Variants in SNX13 observed in about 807,000 individuals in gnomAD.
The protein encoded by SNX13 is sorting nexin 13.
Under a neutral mutation model 133.6 loss-of-function variants are expected in SNX13, and 45 were observed. That is an observed-to-expected ratio of 0.34 (90% confidence interval 0.27 to 0.43). SNX13 has a LOEUF of 0.43. SNX13 is among the 20% of genes least tolerant of loss of function. SNX13 has a pLI of 1.00. For synonymous variants in SNX13, 414 were observed against 373.9 expected (o/e 1.11, Z -1.24); for missense variants, 1,032 against 1,145.1 (o/e 0.90, Z 1.43).
intron 5 of SNX13, chr7:17,882,737 C>G (rs951126269): frequency 9.4e-7 from 1 of 1,065,900 alleles, no homozygotes; most frequent in African/African-American, 1.7e-5. Context: ...ACAACCTGAC[C>G]AGAGAATCTT....
At chr7:17,867,224 G>C (rs1368992254) in intron 9 of SNX13, among the ~76,000 whole-genome samples, 1 of 152,124 alleles carries the variant, frequency 6.6e-6, no homozygotes, top group Non-Finnish European at 1.5e-5. Flanking sequence ...TGGTCTCCAG[G>C]AAAGGCTCCA....
chr7:17,897,552 T>C (rs761977486), intron 1 of SNX13, 106 bp from the exon 2 acceptor site: 27 of 562,516 alleles, frequency 4.8e-5, no homozygotes, highest in Non-Finnish European at 7.4e-5. Flanking sequence ...CTTGTAAACA[T>C]TCATGGTATT....
intron 14 of SNX13, among the ~76,000 whole-genome samples, 196 bp downstream of exon 14, chr7:17,834,565 T>G (rs1244178339): frequency 1.3e-5 from 2 of 151,830 alleles, no homozygotes; most frequent in Non-Finnish European, 2.9e-5. Flanking sequence ...ACAACCCAAC[T>G]TAAGGATTTT....
chr7:17,797,554 G>A (rs895100673), intron 24 of SNX13, among the ~76,000 whole-genome samples: 6 of 151,800 alleles, frequency 4.0e-5, no homozygotes, highest in African/African-American at 7.3e-5. Context: ...TGGTGTAAGG[G>A]CAAGACTCCC....
intron 8 of SNX13, among the ~76,000 whole-genome samples, chr7:17,872,247 A>G (rs1253267208): frequency 1.3e-5 from 2 of 152,370 alleles, no homozygotes. Context: ...GAGTATAAAC[A>G]TGACTAAAAA....
At chr7:17,801,009 C>CTTTTATATATATAT (rs1289471310) in intron 22 of SNX13, among the ~76,000 whole-genome samples, 1 of 120,170 alleles carries the variant, frequency 8.3e-6, no homozygotes, top group Admixed American at 9.1e-5. Flanking sequence ...TAAAACTGAA[C>CTTTTATATATATAT]ATATATATAT....
rs772463182 is a variant in SNX13 at position 17,794,107 on chromosome 7, G to C, written c.2812C>G (p.Gln938Glu). Residue 938 changes from glutamine (Q) to glutamate (E), a missense_variant, in exon 26 of 26, where the codon CAG (glutamine) becomes GAG (glutamate). Transcript: ENST00000428135. ...AGTTTCTGTTTATATTTCTGCATCT[G>C]CTTTGACCGTGAATGCAGTTTGTTG... ...LFNKLHSRSK[Q>E]MQKYKQKLQT... The C allele has an allele frequency of 5.0e-6, 8 of 1,611,666 alleles. No homozygotes were observed. Among genetic ancestry groups the C allele is most frequent in the Non-Finnish European group, 6.8e-6 (8 of 1,178,378 alleles).
At chr7:17,810,629 G>C (rs1785895292) in intron 20 of SNX13, among the ~76,000 whole-genome samples, 1 of 152,122 alleles carries the variant, frequency 6.6e-6, no homozygotes, top group South Asian at 2.1e-4. Flanking sequence ...GAAAAAGAGG[G>C]AGTCCTTCCT....
At chr7:17,801,009 C>T (rs1784549694) in intron 22 of SNX13, among the ~76,000 whole-genome samples, 25 of 120,196 alleles carry the variant, frequency 2.1e-4, no homozygotes, top group East Asian at 6.7e-4. Flanking sequence ...TAAAACTGAA[C>T]ATATATATAT....
intron 18 of SNX13, among the ~76,000 whole-genome samples, chr7:17,817,641 G>A (rs572263835): frequency 3.9e-5 from 6 of 152,192 alleles, no homozygotes; most frequent in African/African-American, 1.4e-4. Flanking sequence ...AACCAATAAA[G>A]GGTAGAGGTA....
chr7:17,933,785 T>C (rs372164841), intron 1 of SNX13, among the ~76,000 whole-genome samples: 1 of 125,758 alleles, frequency 8.0e-6, no homozygotes, highest in Non-Finnish European at 1.8e-5. Context: ...CATTCATTAG[T>C]ACAAGGAATA....
At position 17,798,901 on chromosome 7, in the gene SNX13, G is replaced by C. The variant is rs944487763; in HGVS notation, c.2444+108C>G. On this transcript the variant is annotated intron_variant, in intron 23 of 25. Coordinates refer to ENST00000428135, the MANE Select transcript of SNX13 (RefSeq NM_015132.5). ...GACTGCTTTAATGATGTCCTTAAAA[G>C]GCCCAGAGAAAAAAATTCTCCTACA... 6 of 1,337,926 alleles carry C rather than the reference G, an allele frequency of 4.5e-6. No individual in the cohort carries two copies. In the African/African-American group the frequency reaches 7.5e-5, roughly 17 times the overall value. The allele number at this position is 1,337,926 out of a possible 1,614,324, so 82.9% of individuals were successfully genotyped here.
At position 17,791,242 on chromosome 7, in the gene SNX13, A is replaced by G. The variant is rs894859542; in HGVS notation, c.*2803T>C. The G allele has an allele frequency of 1.3e-5, 2 of 152,158 alleles. No individual in the cohort carries two copies. Among genetic ancestry groups the G allele is most frequent in the East Asian group, 1.9e-4 (1 of 5,196 alleles). 9.4% of individuals were successfully genotyped at this position (152,158 alleles called of 1,614,324 possible). A position where few individuals can be genotyped will look rare whatever the true frequency, so the allele number is the denominator to read the frequency against. On this transcript the variant is annotated 3_prime_UTR_variant, in exon 26 of 26. Transcript: ENST00000428135. ...ATATTGCACAAAATTAAAATTTTAG[A>G]TTGTGAAATTTATATCATTCTTAAT...
chr7:17,928,901 G>C (rs1195042110), intron 1 of SNX13, among the ~76,000 whole-genome samples: 1 of 152,100 alleles, frequency 6.6e-6, no homozygotes, highest in Non-Finnish European at 1.5e-5. Context: ...GGGTATATGA[G>C]AAAATTATAC....
At chr7:17,884,156 G>A (rs1795699030) in intron 5 of SNX13, among the ~76,000 whole-genome samples, 1 of 152,110 alleles carries the variant, frequency 6.6e-6, no homozygotes, top group African/African-American at 2.4e-5. Context: ...ACTATACAAA[G>A]TAGCATATGC....
chr7:17,812,521 A>G (rs2128295950), intron 20 of SNX13, among the ~76,000 whole-genome samples: 1 of 152,334 alleles, frequency 6.6e-6, no homozygotes, highest in South Asian at 2.1e-4. Context: ...ATGTGGAGAT[A>G]CAGGAATGCT....
At chr7:17,888,886 T>C (rs73081395) in intron 5 of SNX13, 6,668 of 306,572 alleles carry the variant, frequency 0.022, 106 homozygotes, top group Middle Eastern at 0.031. Context: ...CACAGTCCCA[T>C]AGCTAGAGGT....
chr7:17,822,416 A>T (rs1009429652), intron 17 of SNX13, among the ~76,000 whole-genome samples: 1 of 152,024 alleles, frequency 6.6e-6, no homozygotes, highest in African/African-American at 2.4e-5. Context: ...GTCTCTTCTC[A>T]TCTGTATCTG....
intron 8 of SNX13, among the ~76,000 whole-genome samples, chr7:17,871,946 C>T (rs1350948434): frequency 6.6e-6 from 1 of 152,024 alleles, no homozygotes; most frequent in Middle Eastern, 3.2e-3. Context: ...ATGATCATAC[C>T]ACTTACTAGG....
Sources: gnomAD v4.1 joint callset for allele counts (sites outside exome capture counted in the v4.1 genomes callset) on GRCh38, gnomAD v4.1.1 for gene constraint, MANE v1.5 for transcripts, NCBI Gene and HGNC (gene_info 2026-07-23, HGNC 2026-07-21) for gene names.